MAP6D1: variants seen among roughly 807,000 people sequenced by gnomAD.
MAP6D1 encodes MAP6 domain-containing protein 1.
A neutral mutation model predicts 17.4 loss-of-function variants in MAP6D1; 13 were observed. That is an observed-to-expected ratio of 0.75 (90% CI 0.49 to 1.19). The LOEUF (loss-of-function observed/expected upper bound fraction) is 1.19, where lower values mean the gene tolerates loss of function less well. Among genes scored for constraint, MAP6D1 ranks in the 50% most tolerant of loss-of-function variants. The pLI is 0.00. For synonymous variants in MAP6D1, 141 were observed against 145.7 expected, an observed-to-expected ratio of 0.97 and a Z score of 0.23; for missense variants, 313 against 312.6, an observed-to-expected ratio of 1.00 and a Z score of -0.01.
At chr3:183,823,405 G>A (rs1727303013) in intron 1 of MAP6D1, among the ~76,000 whole-genome samples, 1 of 151,828 alleles carries the variant, frequency 6.6e-6, no homozygotes, top group African/African-American at 2.4e-5. Context: ...TTCAAGACCT[G>A]CCTGACCAAC....
rs563593037 is a variant in MAP6D1, at chr3:183,817,646, C to G, written c.520-210G>C. On this transcript the variant is annotated intron_variant, in intron 2 of 2. Coordinates refer to ENST00000318631, the MANE Select transcript of MAP6D1 (RefSeq NM_024871.4). ...GTACACGGACCTTCCATTCTGCTCCCTGAACCACTTGGGAATCGGAGCTGA... is the reference window on the plus strand; with the variant it reads ...GTACACGGACCTTCCATTCTGCTCCGTGAACCACTTGGGAATCGGAGCTGA... 7.9e-5 allele frequency among the ~76,000 whole-genome samples: 12 copies of G among 152,284 alleles called. No homozygotes were observed. In the South Asian group the frequency reaches 2.3e-3, roughly 29 times the overall value.
Position 183,825,522 on chromosome 3 carries a change from A to T in MAP6D1, c.26T>A (p.Leu9Gln). 7.2e-7 allele frequency: 1 copy of T among 1,384,270 alleles called. No individual in the cohort carries two copies. The highest frequency in any genetic ancestry group is 9.4e-7 in the Non-Finnish European group (1 of 1,068,948). The allele number at this position is 1,384,270 out of a possible 1,614,324, so 85.7% of individuals were successfully genotyped here. MAWPCISR[L>Q]CCLARRWNQL... ...GTTCCAGCGCCGCGCCAGGCAGCAC[A>T]GGCGGCTGATACAGGGCCACGCCAT... Residue 9 changes from leucine (L) to glutamine (Q), a missense_variant, in exon 1 of 3, where the codon CTG becomes CAG. By Grantham distance (113) the Leu-to-Gln change is moderately radical (BLOSUM62 -2). Transcript: ENST00000318631.
rs60341893 is a variant in MAP6D1 at position 183,822,240 on chromosome 3, A to AAC, written c.401+2905_401+2906dup. Among the ~76,000 whole-genome samples, 1,115 of 138,632 alleles carry AAC rather than the reference A, an allele frequency of 8.0e-3. 10 individuals carry two copies. Among genetic ancestry groups the AAC allele is most frequent in the African/African-American group, 0.021 (764 of 36,644 alleles). 90.9% of individuals were successfully genotyped at this position (138,632 alleles called of 152,430 possible). ...TGGGCAACATAAACCCCATCTCTAA[A>AAC]ACACACACACACACACACACACACA... is the stretch of plus-strand genomic sequence containing the variant. On this transcript the variant is annotated intron_variant, in intron 1 of 2. Coordinates refer to ENST00000318631, the MANE Select transcript of MAP6D1 (RefSeq NM_024871.4).
At chr3:183,817,467 G>A in intron 2 of MAP6D1, 31 bp from the exon 3 acceptor site, 1 of 1,541,802 alleles carries the variant, frequency 6.5e-7, no homozygotes, top group Non-Finnish European at 8.8e-7. Context: ...ACATATCAGT[G>A]GGACTTTTCC....
rs546379636 is a variant in MAP6D1 at position 183,821,973 on chromosome 3, T to C, written c.401+3174A>G. 3.9e-5 allele frequency among the ~76,000 whole-genome samples: 6 copies of C among 152,110 alleles called. 1 individual carries two copies. The East Asian group carries it at 1.2e-3, about 29-fold the overall frequency. ...ACTGCGACCGGCCTCTTTTTAACTT[T>C]AAAATAAAAAAAAAGTAACTTCTGT... On this transcript the variant is annotated intron_variant, in intron 1 of 2. Coordinates refer to ENST00000318631, the MANE Select transcript of MAP6D1 (RefSeq NM_024871.4).
chr3:183,822,334 G>A (rs1053166970), intron 1 of MAP6D1, among the ~76,000 whole-genome samples: 4 of 151,302 alleles, frequency 2.6e-5, no homozygotes, highest in African/African-American at 4.9e-5. Flanking sequence ...TCAGCTACTC[G>A]GGAGGCTGAG....
chr3:183,825,130 C>T lies in MAP6D1; in HGVS notation c.401+17G>A. 1 of 1,394,758 alleles carries T rather than the reference C, an allele frequency of 7.2e-7. No individual in the cohort carries two copies. The highest frequency in any genetic ancestry group is 1.5e-5 in the African/African-American group (1 of 66,528). The allele number at this position is 1,394,758 out of a possible 1,614,324, so 86.4% of individuals were successfully genotyped here. On this transcript the variant is annotated intron_variant, in intron 1 of 2. Transcript: ENST00000318631. ...CCACAGGGTGGGGACTCGTTGCGGT[C>T]CCTACCCAGCCCATACCTGTACGAC... is the stretch of plus-strand genomic sequence containing the variant.
intron 1 of MAP6D1, among the ~76,000 whole-genome samples, chr3:183,819,962 G>A (rs1236218457): frequency 6.6e-6 from 1 of 152,230 alleles, no homozygotes; most frequent in Non-Finnish European, 1.5e-5. Flanking sequence ...GAAGTGGGCG[G>A]GGCTAGCAAC....
At chr3:183,818,412 C>T (rs1009871237) in intron 1 of MAP6D1, among the ~76,000 whole-genome samples, 7 of 152,316 alleles carry the variant, frequency 4.6e-5, no homozygotes, top group Admixed American at 2.0e-4. Flanking sequence ...ACACTGCAGG[C>T]GAGCGGCAGG....
intron 1 of MAP6D1, among the ~76,000 whole-genome samples, chr3:183,818,943 C>T (rs1025607874): frequency 1.3e-5 from 2 of 152,226 alleles, no homozygotes; most frequent in Admixed American, 1.3e-4. Context: ...ACAGTGCTTC[C>T]ATTTCTCTGA....
At chr3:183,824,650 G>C (rs953379767) in intron 1 of MAP6D1, among the ~76,000 whole-genome samples, 1 of 152,230 alleles carries the variant, frequency 6.6e-6, no homozygotes, top group South Asian at 2.1e-4. Context: ...GGGAGGGCCC[G>C]CGGACCCGTT....
At chr3:183,824,765 G>A (rs147202887) in intron 1 of MAP6D1, among the ~76,000 whole-genome samples, 172 of 152,350 alleles carry the variant, frequency 1.1e-3, no homozygotes, top group African/African-American at 4.0e-3. Flanking sequence ...AGTGACCGGA[G>A]AGAGCTGGGG....
intron 1 of MAP6D1, among the ~76,000 whole-genome samples, chr3:183,821,983 A>G (rs1234107116): frequency 6.6e-6 from 1 of 152,278 alleles, no homozygotes; most frequent in East Asian, 1.9e-4. Flanking sequence ...TAAAATAAAA[A>G]AAAAGTAACT....
In MAP6D1 at chr3:183,825,230, C is replaced by T; in HGVS notation, c.318G>A (p.Ala106=). 7.1e-7 allele frequency: 1 copy of T among 1,416,152 alleles called. No homozygotes were observed. 87.7% of individuals were successfully genotyped at this position (1,416,152 alleles called of 1,614,324 possible). A position where few individuals can be genotyped will look rare whatever the true frequency, so the allele number is the denominator to read the frequency against. ...CCCCGCGGGCGCCGGGCGCAGGTGG[C>T]GCGGAGGACTGCGCGGAGGATTTGC... The part of the protein sequence containing the change: ...RRGKSSAQSS[A]PPAPGARGVY... The change falls in exon 1 of 3, where the codon GCG becomes GCA. Residue 106 remains alanine (A), a synonymous_variant. Transcript: ENST00000318631.
intron 1 of MAP6D1, among the ~76,000 whole-genome samples, chr3:183,822,431 CAACAACAAAACA>C (rs1727283142): frequency 1.3e-5 from 2 of 151,952 alleles, no homozygotes; most frequent in Non-Finnish European, 2.9e-5. Flanking sequence ...ACAGCAGCAA[CAACAACAAAACA>C]AACAACAACA....
At chr3:183,820,747 AT>A (rs1447104780) in intron 1 of MAP6D1, among the ~76,000 whole-genome samples, 1 of 148,540 alleles carries the variant, frequency 6.7e-6, no homozygotes, top group African/African-American at 2.5e-5. Context: ...AAAAAAAAAA[AT>A]ACATAAAAAT....
At chr3:183,817,479 T>C (rs770552508) in intron 2 of MAP6D1, 43 bp from the exon 3 acceptor site, 2 of 1,507,384 alleles carry the variant, frequency 1.3e-6, no homozygotes, top group African/African-American at 2.8e-5. Context: ...GACTTTTCCT[T>C]AACTCCCTAC....
At position 183,821,296 on chromosome 3, in the gene MAP6D1, G is replaced by T. The variant is rs77913303; in HGVS notation, c.402-3185C>A. Among the ~76,000 whole-genome samples, 1,375 of 152,240 alleles carry T rather than the reference G, an allele frequency of 9.0e-3. 12 individuals are homozygous for T. Among genetic ancestry groups the T allele is most frequent in the Middle Eastern group, 0.044 (13 of 294 alleles). ...GGGGGCTACAAATTTGATCTCTGGG[G>T]CAAGTCACACGGGTTCCACTCCCTT... On this transcript the variant is annotated intron_variant, in intron 1 of 2. Transcript: ENST00000318631.
At chr3:183,817,945 G>T (rs759202916) in intron 2 of MAP6D1, 49 bp downstream of exon 2, 3 of 1,418,788 alleles carry the variant, frequency 2.1e-6, no homozygotes, top group Non-Finnish European at 3.0e-6. Context: ...CCTACCCGGG[G>T]AAAGAGGCCT....
Sources: gnomAD v4.1 joint callset for allele counts (sites outside exome capture counted in the v4.1 genomes callset) on GRCh38, gnomAD v4.1.1 for gene constraint, MANE v1.5 for transcripts, NCBI Gene and HGNC (gene_info 2026-07-23, HGNC 2026-07-21) for gene names.